Variants in TSHZ2 observed in about 807,000 individuals in gnomAD.
TSHZ2 encodes teashirt zinc finger homeobox 2.
A neutral mutation model predicts 74.4 loss-of-function variants in TSHZ2; 21 were observed. The observed-to-expected ratio is 0.28, with a 90% CI of 0.20 to 0.41. The LOEUF (loss-of-function observed/expected upper bound fraction) is 0.41, where lower values mean the gene tolerates loss of function less well. Among genes scored for constraint, TSHZ2 ranks in the 10% least tolerant of loss-of-function variants. The probability of loss-of-function intolerance (pLI) is 1.00; values close to 1 mark genes in which losing one functional copy is unlikely to be tolerated. For missense variants in TSHZ2, 1,244 were observed against 1,293.5 expected, an observed-to-expected ratio of 0.96 and a Z score of 0.59; for synonymous variants, 540 against 515.3, an observed-to-expected ratio of 1.05 and a Z score of -0.65.
At chr20:53,360,490 T>C (rs987340247) in intron 2 of TSHZ2, among the ~76,000 whole-genome samples, 1 of 152,254 alleles carries the variant, frequency 6.6e-6, no homozygotes. Context: ...AGACAAGGTC[T>C]ACTCTTGAAT....
rs144833530 is a variant in TSHZ2 at position 52,988,090 on chromosome 20, T to A, written c.40+14757T>A. ...GAATCAGACTTCCAAGCCCTTTCTA[T>A]GTAGTACCGGTGATCCATGGGTGAA... On this transcript the variant is annotated intron_variant, in intron 1 of 2. Coordinates refer to ENST00000371497, the MANE Select transcript of TSHZ2 (RefSeq NM_173485.6). Among the ~76,000 whole-genome samples the A allele has an allele frequency of 1.4e-3, 216 of 152,306 alleles. 1 individual carries two copies. Among genetic ancestry groups the A allele is most frequent in the African/African-American group, 5.0e-3 (208 of 41,558 alleles).
chr20:53,031,953 G>C (rs1319695250), intron 1 of TSHZ2, among the ~76,000 whole-genome samples: 2 of 151,958 alleles, frequency 1.3e-5, no homozygotes, highest in Non-Finnish European at 2.9e-5. Flanking sequence ...AAGAAAGGAA[G>C]GAAGGAAGAT....
At chr20:53,047,329 T>C (rs1025549996) in intron 1 of TSHZ2, among the ~76,000 whole-genome samples, 5 of 152,162 alleles carry the variant, frequency 3.3e-5, no homozygotes, top group Admixed American at 1.3e-4. Flanking sequence ...CTTCTTGGTG[T>C]TGGGATCCCA....
At chr20:53,296,467 C>G (rs974869896) in intron 2 of TSHZ2, among the ~76,000 whole-genome samples, 1 of 152,214 alleles carries the variant, frequency 6.6e-6, no homozygotes, top group African/African-American at 2.4e-5. Context: ...CCTCATCCAT[C>G]AGTACAGCAA....
chr20:53,237,556 A>G (rs1393890301), intron 1 of TSHZ2, among the ~76,000 whole-genome samples: 6 of 152,016 alleles, frequency 3.9e-5, no homozygotes, highest in Non-Finnish European at 8.8e-5. Flanking sequence ...TTTCTTCTAC[A>G]TACGAAAAAT....
At chr20:53,006,833 G>A (rs1239283767) in intron 1 of TSHZ2, among the ~76,000 whole-genome samples, 4 of 151,944 alleles carry the variant, frequency 2.6e-5, no homozygotes, top group Non-Finnish European at 5.9e-5. Context: ...GGTGGGGTAG[G>A]GTGCTATGGT....
chr20:53,411,233 A>G (rs1303522110), intron 2 of TSHZ2, among the ~76,000 whole-genome samples: 1 of 152,164 alleles, frequency 6.6e-6, no homozygotes, highest in Non-Finnish European at 1.5e-5. Flanking sequence ...GGCCTCCCTC[A>G]ACCTTCCTGA....
intron 2 of TSHZ2, among the ~76,000 whole-genome samples, chr20:53,463,427 G>A (rs1228643554): frequency 7.9e-5 from 9 of 113,602 alleles, no homozygotes; most frequent in Admixed American, 1.9e-4. Flanking sequence ...AGGAAGGAAG[G>A]AAGGAAGGAG....
intron 2 of TSHZ2, among the ~76,000 whole-genome samples, chr20:53,294,413 T>A (rs901218584): frequency 8.5e-5 from 13 of 152,144 alleles, no homozygotes; most frequent in African/African-American, 3.1e-4. Context: ...TTGCTCAGGA[T>A]AATTGGAATG....
chr20:53,067,043 G>T (rs1287901090), intron 1 of TSHZ2, among the ~76,000 whole-genome samples: 1 of 152,198 alleles, frequency 6.6e-6, no homozygotes, highest in African/African-American at 2.4e-5. Flanking sequence ...ATTTCTGAAG[G>T]AGTTGAGCGT....
chr20:53,140,098 A>G (rs1226461477), intron 1 of TSHZ2, among the ~76,000 whole-genome samples: 1 of 152,212 alleles, frequency 6.6e-6, no homozygotes, highest in African/African-American at 2.4e-5. Context: ...GTTGAACAAG[A>G]CAGAACAGCT....
intron 1 of TSHZ2, among the ~76,000 whole-genome samples, chr20:53,229,998 A>G (rs1409970330): frequency 7.0e-6 from 1 of 143,386 alleles, no homozygotes; most frequent in East Asian, 2.3e-4. Flanking sequence ...AGGAAGGAAG[A>G]CAGAAAGAGA....
chr20:53,032,137 T>C (rs1983661694), intron 1 of TSHZ2, among the ~76,000 whole-genome samples: 1 of 152,172 alleles, frequency 6.6e-6, no homozygotes, highest in South Asian at 2.1e-4. Context: ...TACCACAAAT[T>C]GCTCCAAGAG....
chr20:53,077,408 C>A, intron 1 of TSHZ2, among the ~76,000 whole-genome samples: 1 of 35,172 alleles, frequency 2.8e-5, no homozygotes, highest in Non-Finnish European at 4.9e-5. Flanking sequence ...AAGACTCTAC[C>A]TCAAAAAAAA....
Position 53,068,455 on chromosome 20 carries a change from C to T in TSHZ2, c.40+95122C>T, listed in dbSNP as rs75646157. ...TTTTTTTGCAAGCTATGCATTCTTCCTGAATTGTCTTCCTCTCCTTATTCC... is the reference window on the plus strand; with the variant it reads ...TTTTTTTGCAAGCTATGCATTCTTCTTGAATTGTCTTCCTCTCCTTATTCC... On this transcript the variant is annotated intron_variant, in intron 1 of 2. Transcript: ENST00000371497. 1.1e-4 allele frequency among the ~76,000 whole-genome samples: 17 copies of T among 152,162 alleles called. No individual in the cohort carries two copies. In the East Asian group the frequency reaches 3.3e-3, roughly 29 times the overall value.
chr20:53,310,231 G>A (rs1482824312), intron 2 of TSHZ2, among the ~76,000 whole-genome samples: 2 of 152,098 alleles, frequency 1.3e-5, no homozygotes, highest in South Asian at 2.1e-4. Context: ...GTCAGTGGAG[G>A]GTCACAGAGG....
chr20:53,295,897 GTGTTTTT>G (rs1231456260), intron 2 of TSHZ2, among the ~76,000 whole-genome samples: 4 of 152,036 alleles, frequency 2.6e-5, no homozygotes, highest in Admixed American at 2.6e-4. Flanking sequence ...TTATAGTTCT[GTGTTTTT>G]TGTTTTTTGC....
At chr20:53,358,429 CACTCAG>C (rs1280576710) in intron 2 of TSHZ2, among the ~76,000 whole-genome samples, 1 of 150,544 alleles carries the variant, frequency 6.6e-6, no homozygotes, top group East Asian at 1.9e-4. Flanking sequence ...CAACTTCCGC[CACTCAG>C]GTTCAAGCAG....
chr20:53,014,221 GA>G (rs1457499244), intron 1 of TSHZ2, among the ~76,000 whole-genome samples: 1 of 139,688 alleles, frequency 7.2e-6, no homozygotes, highest in Admixed American at 7.1e-5. Context: ...GAGAGAGAGA[GA>G]AGAGAGCGAG....
Sources: allele counts gnomAD v4.1 joint callset (sites outside exome capture counted in the v4.1 genomes callset), GRCh38; gene constraint gnomAD v4.1.1; transcripts MANE v1.5; gene names NCBI Gene and HGNC (gene_info 2026-07-23, HGNC 2026-07-21).